EPHA4: variants seen among roughly 807,000 people sequenced by gnomAD.
The protein encoded by EPHA4 is ephrin type-A receptor 4.
A neutral mutation model predicts 108.3 loss-of-function variants in EPHA4; 19 were observed. The ratio of observed to expected loss-of-function variants is 0.18; its 90% CI spans 0.12 to 0.26. The LOEUF is 0.26. Among genes scored for constraint, EPHA4 ranks in the 10% least tolerant of loss-of-function variants. EPHA4 has a pLI of 1.00. For synonymous variants in EPHA4, 449 were observed against 455.5 expected (o/e 0.99, Z 0.18); for missense variants, 917 against 1,254.0 (o/e 0.73, Z 4.06).
In EPHA4 at chr2:221,482,407, T is replaced by C; in HGVS notation, c.1263A>G (p.Lys421=). Residue 421 remains lysine (K), a synonymous_variant, in exon 5 of 18, where the codon AAA becomes AAG. Transcript: ENST00000281821. The part of the protein sequence containing the change: ...FEIWAVNGVS[K]YNPNPDQSVS... ...CTGATTGGTCTGGGTTAGGGTTATA[T>C]TTGGACACTCCATTCACAGCCCAGA... The C allele has an allele frequency of 6.2e-7, 1 of 1,614,050 alleles. No individual in the cohort carries two copies. Among genetic ancestry groups the C allele is most frequent in the South Asian group, 1.1e-5 (1 of 91,078 alleles).
chr2:221,551,983 G>A (rs78138490), intron 3 of EPHA4, among the ~76,000 whole-genome samples: 1,702 of 152,092 alleles, frequency 0.011, 34 homozygotes, highest in African/African-American at 0.039. Flanking sequence ...ACTTTCAACT[G>A]CACTTCTTTG....
At position 221,436,562 on chromosome 2, in the gene EPHA4, C is replaced by T. The variant is rs750370585; in HGVS notation, c.2183G>A (p.Arg728His). ...FTVIQLVGML[R>H]GIGSGMKYLS... ...ATACTTCATCCCAGACCCAATGCCACGAAGCATGCCCACCAGCTGAATGAC... is the reference window on the plus strand; with the variant it reads ...ATACTTCATCCCAGACCCAATGCCATGAAGCATGCCCACCAGCTGAATGAC... The change falls in exon 13 of 18, where the codon CGT becomes CAT. Residue 728 changes from arginine (R) to histidine (H), a missense_variant. Arg to His is a conservative substitution (Grantham distance 29). Transcript: ENST00000281821. 6.2e-6 allele frequency: 10 copies of T among 1,614,018 alleles called. No homozygotes were observed. The highest frequency in any genetic ancestry group is 2.2e-5 in the East Asian group (1 of 44,896).
chr2:221,568,419 G>A (rs10175097), intron 2 of EPHA4, among the ~76,000 whole-genome samples: 1 of 151,936 alleles, frequency 6.6e-6, no homozygotes, highest in Non-Finnish European at 1.5e-5. Flanking sequence ...ATTCTAATTT[G>A]GTCCCCGGAT....
Position 221,482,605 on chromosome 2 carries a change from A to T in EPHA4, c.1065T>A (p.Gly355=). The T allele has an allele frequency of 6.2e-7, 1 of 1,614,014 alleles. No individual in the cohort carries two copies. Among genetic ancestry groups the T allele is most frequent in the African/African-American group, 1.3e-5 (1 of 75,032 alleles). The change falls in exon 5 of 18, where the codon GGT becomes GGA. Residue 355 remains glycine, a synonymous_variant. Transcript: ENST00000281821. Reference sequence around the variant, plus strand: ...CATTATAGGAAATGTCCTGGCGGCCACCTGTATTCTGAGGGCTACTCCATT... The same window carrying T: ...CATTATAGGAAATGTCCTGGCGGCCTCCTGTATTCTGAGGGCTACTCCATT... The part of the protein sequence containing the change: ...NLEWSSPQNT[G]GRQDISYNVV...
rs114345495 is a variant in EPHA4, at chr2:221,438,842, A to G, written c.2075-1720T>C. On this transcript the variant is annotated intron_variant, in intron 11 of 17. Transcript: ENST00000281821. Reference sequence around the variant, plus strand: ...ATTGCTGCATTGGCTGATTATTTAGACTTCAGTCTAGAAAAATGGGCTGAA... The same window carrying G: ...ATTGCTGCATTGGCTGATTATTTAGGCTTCAGTCTAGAAAAATGGGCTGAA... 3.0e-3 allele frequency among the ~76,000 whole-genome samples: 463 copies of G among 152,300 alleles called. 5 individuals are homozygous for G. The highest frequency in any genetic ancestry group is 0.011 in the African/African-American group (444 of 41,566).
intron 3 of EPHA4, among the ~76,000 whole-genome samples, chr2:221,529,181 C>T (rs963579375): frequency 6.6e-6 from 1 of 151,838 alleles, no homozygotes; most frequent in East Asian, 1.9e-4. Context: ...TGTTGCTTGA[C>T]ATCAGAAAAA....
chr2:221,528,566 A>G (rs531854814), intron 3 of EPHA4, among the ~76,000 whole-genome samples: 1 of 152,322 alleles, frequency 6.6e-6, no homozygotes, highest in Admixed American at 6.5e-5. Context: ...TTGTTTAGAA[A>G]GCATTTTCCT....
At chr2:221,452,795 T>C (rs1690827814) in intron 8 of EPHA4, among the ~76,000 whole-genome samples, 2 of 152,082 alleles carry the variant, frequency 1.3e-5, no homozygotes, top group Admixed American at 1.3e-4. Context: ...GGACTCATAA[T>C]TGGAAATCCG....
chr2:221,509,997 T>A (rs1009836275), intron 3 of EPHA4, among the ~76,000 whole-genome samples: 5 of 152,140 alleles, frequency 3.3e-5, no homozygotes, highest in African/African-American at 1.2e-4. Flanking sequence ...AATGAGATAA[T>A]ACACAGGAGG....
Position 221,437,065 on chromosome 2 carries a change from A to T in EPHA4, c.2132T>A (p.Leu711His). The change falls in exon 12 of 18, where the codon CTC (leucine) becomes CAC (histidine). Residue 711 changes from leucine (L) to histidine (H), a missense_variant. Transcript: ENST00000281821. ...YMENGSLDAF[L>H]RKNDGRFTVI... ...TAATATAAAGTAGTCACATACCCTG[A>T]GGAATGCATCCAAGGAGCCATTCTC... 6.2e-7 allele frequency: 1 copy of T among 1,608,664 alleles called. No homozygotes were observed. The highest frequency in any genetic ancestry group is 8.5e-7 in the Non-Finnish European group (1 of 1,175,652).
At chr2:221,548,315 G>A (rs1694059845) in intron 3 of EPHA4, among the ~76,000 whole-genome samples, 1 of 151,794 alleles carries the variant, frequency 6.6e-6, no homozygotes, top group South Asian at 2.1e-4. Flanking sequence ...CAAGATCACA[G>A]ATCGCACCAC....
At position 221,564,333 on chromosome 2, in the gene EPHA4, T is replaced by C. The variant is rs746991074; in HGVS notation, c.221A>G (p.Asn74Ser). The change falls in exon 3 of 18, where the codon AAT (asparagine) becomes AGT (serine). Residue 74 changes from asparagine (N) to serine (S), a missense_variant. Around this residue, in one of 3 missense-constraint regions of EPHA4, gnomAD observed 758 missense variants for 1,076.7 expected, o/e 0.70. Coordinates refer to ENST00000281821, the MANE Select transcript of EPHA4 (RefSeq NM_004438.5). The part of the protein sequence containing the change: ...NTPIRTYQVC[N>S]VMEPSQNNWL... ...GTTATTCTGGCTGGGTTCCATCACA[T>C]TGCACACTTGGTAGGTTCGGATTGG... is the stretch of plus-strand genomic sequence containing the variant. 3.7e-6 allele frequency: 6 copies of C among 1,614,174 alleles called. No homozygotes were observed. Among genetic ancestry groups the C allele is most frequent in the Middle Eastern group, 1.7e-4 (1 of 6,060 alleles).
At chr2:221,526,498 C>T (rs1171010882) in intron 3 of EPHA4, among the ~76,000 whole-genome samples, 1 of 150,956 alleles carries the variant, frequency 6.6e-6, no homozygotes, top group Non-Finnish European at 1.5e-5. Flanking sequence ...TCTCAAAGGT[C>T]TCCACCTTTC....
At chr2:221,473,105 G>T (rs1282711148) in intron 5 of EPHA4, among the ~76,000 whole-genome samples, 1 of 152,142 alleles carries the variant, frequency 6.6e-6, no homozygotes, top group African/African-American at 2.4e-5. Flanking sequence ...ACACTGACTG[G>T]CACCATCTCT....
intron 11 of EPHA4, among the ~76,000 whole-genome samples, chr2:221,438,285 A>G (rs1690310077): frequency 6.6e-6 from 1 of 152,102 alleles, no homozygotes; most frequent in Non-Finnish European, 1.5e-5. Flanking sequence ...TTTAGGACAT[A>G]AGAACCATTC....
chr2:221,531,370 T>G (rs1693508115), intron 3 of EPHA4, among the ~76,000 whole-genome samples: 1 of 152,144 alleles, frequency 6.6e-6, no homozygotes, highest in African/African-American at 2.4e-5. Flanking sequence ...GCGTACTTTT[T>G]GAGCTTAAAA....
At chr2:221,431,329 G>T (rs968383572) in intron 14 of EPHA4, among the ~76,000 whole-genome samples, 6 of 152,216 alleles carry the variant, frequency 3.9e-5, no homozygotes, top group Admixed American at 2.6e-4. Flanking sequence ...CTCACCCTGT[G>T]GTGGGTCTAT....
rs150722300 is a variant in EPHA4 at position 221,564,215 on chromosome 2, G to T, written c.339C>A (p.Gly113=). The change falls in exon 3 of 18, where the codon GGC becomes GGA. Residue 113 remains glycine, a synonymous_variant. Transcript: ENST00000281821. ...FTLRDCNSLP[G]VMGTCKETFN... ...ACGTCTCCTTGCAAGTCCCCATGAC[G>T]CCCGGAAGACTATTGCAGTCCCTCA... 68 of 1,614,066 alleles carry T rather than the reference G, an allele frequency of 4.2e-5. No homozygotes were observed. In the African/African-American group the frequency reaches 6.9e-4, roughly 16 times the overall value.
chr2:221,447,821 T>TTTTTTTTATTTATTTA (rs1553570841), intron 8 of EPHA4, among the ~76,000 whole-genome samples: 5 of 147,560 alleles, frequency 3.4e-5, no homozygotes, highest in Non-Finnish European at 7.5e-5. Context: ...AAGGGTCTAT[T>TTTTTTTTATTTATTTA]TTTATTTATT....
Sources: gnomAD v4.1 joint callset for allele counts (sites outside exome capture counted in the v4.1 genomes callset) on GRCh38, gnomAD v4.1.1 for gene constraint, gnomAD v4.1.1 regional missense constraint, MANE v1.5 for transcripts, NCBI Gene and HGNC (gene_info 2026-07-23, HGNC 2026-07-21) for gene names.